The following GPR158 variants were observed in gnomAD, a reference collection of about 807,000 sequenced individuals.
GPR158 encodes the protein metabotropic glycine receptor.
In GPR158, 30 loss-of-function variants were observed where a neutral mutation model predicts 78.2. The ratio of observed to expected loss-of-function variants is 0.38; its 90% CI spans 0.29 to 0.52. The LOEUF is 0.52. GPR158 is among the 20% of genes least tolerant of loss of function. The probability of loss-of-function intolerance (pLI) is 0.83; values close to 1 mark genes in which losing one functional copy is unlikely to be tolerated. For missense variants in GPR158, 1,463 were observed against 1,523.5 expected (o/e 0.96, Z 0.66); for synonymous variants, 581 against 591.1 (o/e 0.98, Z 0.25).
chr10:25,399,253 T>C (rs1403666759), intron 3 of GPR158, among the ~76,000 whole-genome samples: 1 of 152,148 alleles, frequency 6.6e-6, no homozygotes, highest in Non-Finnish European at 1.5e-5. Flanking sequence ...ATGATTTAAT[T>C]ATCTCCACCT....
intron 6 of GPR158, among the ~76,000 whole-genome samples, chr10:25,568,804 G>T (rs1440977130): frequency 6.6e-6 from 1 of 152,048 alleles, no homozygotes; most frequent in Non-Finnish European, 1.5e-5. Flanking sequence ...GAAGTTTCTT[G>T]CAGTCTTCCC....
intron 2 of GPR158, among the ~76,000 whole-genome samples, chr10:25,261,968 A>G (rs771419746): frequency 6.6e-6 from 1 of 152,122 alleles, no homozygotes; most frequent in African/African-American, 2.4e-5. Context: ...CTGAAAATAC[A>G]TGACATAATT....
At chr10:25,192,127 G>A (rs1040664839) in intron 1 of GPR158, among the ~76,000 whole-genome samples, 3 of 152,114 alleles carry the variant, frequency 2.0e-5, no homozygotes, top group East Asian at 1.9e-4. Flanking sequence ...TAATTGGATC[G>A]TGGGGGCAGC....
intron 5 of GPR158, among the ~76,000 whole-genome samples, chr10:25,537,524 G>C (rs1316155706): frequency 6.6e-6 from 1 of 151,904 alleles, no homozygotes; most frequent in Non-Finnish European, 1.5e-5. Context: ...TGTCAACATT[G>C]TTTACTTTGT....
intron 6 of GPR158, among the ~76,000 whole-genome samples, chr10:25,558,049 T>A (rs550534070): frequency 6.6e-4 from 101 of 152,344 alleles, no homozygotes; most frequent in African/African-American, 2.4e-3. Flanking sequence ...CTTCTCTTTT[T>A]AAAAAATATT....
chr10:25,194,339 G>C (rs1188206910), intron 1 of GPR158, among the ~76,000 whole-genome samples: 1 of 152,162 alleles, frequency 6.6e-6, no homozygotes, highest in Admixed American at 6.6e-5. Context: ...AAGAGTTCAA[G>C]ACCAGCCTGG....
At chr10:25,581,220 G>T (rs945784164) in intron 7 of GPR158, among the ~76,000 whole-genome samples, 1 of 151,990 alleles carries the variant, frequency 6.6e-6, no homozygotes, top group Non-Finnish European at 1.5e-5. Flanking sequence ...GAGCCACCGC[G>T]CCCGGCGCTA....
chr10:25,342,578 C>G (rs531473975), intron 2 of GPR158, among the ~76,000 whole-genome samples: 1 of 152,006 alleles, frequency 6.6e-6, no homozygotes, highest in East Asian at 1.9e-4. Flanking sequence ...AAGCTTACCA[C>G]CCTGAGAGAA....
intron 4 of GPR158, among the ~76,000 whole-genome samples, chr10:25,447,949 G>A (rs1311363540): frequency 2.0e-5 from 3 of 152,136 alleles, no homozygotes; most frequent in Admixed American, 1.3e-4. Flanking sequence ...TTGGCAGTCA[G>A]TCCCACACCT....
At chr10:25,542,523 T>TA (rs777021101) in intron 5 of GPR158, among the ~76,000 whole-genome samples, 1 of 152,104 alleles carries the variant, frequency 6.6e-6, no homozygotes, top group Admixed American at 6.6e-5. Flanking sequence ...GTTATTCTGT[T>TA]AAAAATGTTC....
At chr10:25,463,722 C>A (rs561331271) in intron 4 of GPR158, among the ~76,000 whole-genome samples, 1 of 152,198 alleles carries the variant, frequency 6.6e-6, no homozygotes, top group East Asian at 1.9e-4. Context: ...CGCCCCCACC[C>A]CCATACACAC....
At chr10:25,543,626 C>G (rs1052677336) in intron 5 of GPR158, among the ~76,000 whole-genome samples, 2 of 152,182 alleles carry the variant, frequency 1.3e-5, no homozygotes, top group African/African-American at 4.8e-5. Context: ...CCTCCTTTCA[C>G]TTCTCCACTT....
intron 6 of GPR158, 39 bp from the exon 7 acceptor site, chr10:25,572,610 G>A (rs760089225): frequency 4.8e-6 from 6 of 1,240,176 alleles, no homozygotes; most frequent in Non-Finnish European, 6.0e-6. Flanking sequence ...CTTTCTGAAT[G>A]TTAGGTTTGC....
chr10:25,571,199 G>C (rs1006481522), intron 6 of GPR158, among the ~76,000 whole-genome samples: 1 of 152,160 alleles, frequency 6.6e-6, no homozygotes, highest in Admixed American at 6.5e-5. Flanking sequence ...GAACTGATGA[G>C]ATGGAGCGTG....
intron 2 of GPR158, among the ~76,000 whole-genome samples, chr10:25,285,757 A>T (rs1447103408): frequency 2.6e-5 from 4 of 152,182 alleles, no homozygotes; most frequent in Non-Finnish European, 1.5e-5. Flanking sequence ...ATGCTTTATG[A>T]GGTTTCTAGG....
chr10:25,438,439 T>C (rs984488035), intron 4 of GPR158, among the ~76,000 whole-genome samples: 2 of 152,230 alleles, frequency 1.3e-5, no homozygotes, highest in Non-Finnish European at 2.9e-5. Flanking sequence ...AATGGCACTT[T>C]GTTTTATGTC....
At chr10:25,528,977 G>A (rs192004138) in intron 5 of GPR158, among the ~76,000 whole-genome samples, 1 of 152,178 alleles carries the variant, frequency 6.6e-6, no homozygotes, top group African/African-American at 2.4e-5. Context: ...ACTGTCAATT[G>A]ACTTGTTATG....
intron 1 of GPR158, among the ~76,000 whole-genome samples, chr10:25,204,941 G>A (rs1041509470): frequency 1.8e-4 from 27 of 151,652 alleles, no homozygotes; most frequent in African/African-American, 6.6e-4. Context: ...CATGTTGTGG[G>A]AGGGACCCAG....
chr10:25,521,032 G>T (rs904859103), intron 5 of GPR158, among the ~76,000 whole-genome samples: 5 of 152,254 alleles, frequency 3.3e-5, no homozygotes, highest in African/African-American at 9.6e-5. Context: ...GTGGGCGTAG[G>T]ACCCTCCGAG....
Sources: allele counts gnomAD v4.1 joint callset (sites outside exome capture counted in the v4.1 genomes callset), GRCh38; gene constraint gnomAD v4.1.1; transcripts MANE v1.5; gene names NCBI Gene and HGNC (gene_info 2026-07-23, HGNC 2026-07-21).